KIZ: variants seen among roughly 807,000 people sequenced by gnomAD.
KIZ encodes kizuna centrosomal protein, also known as centrosomal protein kizuna.
A neutral mutation model predicts 79.6 loss-of-function variants in KIZ; 68 were observed. The ratio of observed to expected loss-of-function variants is 0.85; its 90% CI spans 0.70 to 1.05. KIZ has a LOEUF of 1.05. Ranked by LOEUF, KIZ falls within the 50% of genes least tolerant of loss-of-function variation. The pLI, the probability that KIZ is intolerant of heterozygous loss-of-function variation, is 0.00. For missense variants in KIZ, 797 were observed against 800.4 expected, an observed-to-expected ratio of 1.00 and a Z score of 0.05; for synonymous variants, 280 against 281.8, an observed-to-expected ratio of 0.99 and a Z score of 0.06.
chr20:21,214,128 C>T (rs6106345), intron 7 of KIZ: 2 of 154,664 alleles, frequency 1.3e-5, no homozygotes, highest in African/African-American at 4.8e-5. Context: ...TCTGACATGC[C>T]TAGAAAATAG....
chr20:21,126,284 T>G lies in KIZ; in HGVS notation c.89+80T>G, dbSNP rs377745565. 1.2e-4 allele frequency: 119 copies of G among 1,009,894 alleles called. No individual in the cohort carries two copies. In the East Asian group the frequency reaches 3.5e-3, roughly 29 times the overall value. 62.6% of individuals were successfully genotyped at this position (1,009,894 alleles called of 1,614,324 possible). A position where few individuals can be genotyped will look rare whatever the true frequency, so the allele number is the denominator to read the frequency against. On this transcript the variant is annotated intron_variant, in intron 1 of 12. Coordinates refer to ENST00000619189, the MANE Select transcript of KIZ (RefSeq NM_018474.6). ...TGCCCTGCCCCATTTTCCTTCCCGC[T>G]CCCCCGTCCGAGGTTCCCCGGGGCC...
intron 9 of KIZ, among the ~76,000 whole-genome samples, chr20:21,222,324 C>T (rs1252063595): frequency 1.3e-5 from 2 of 152,192 alleles, no homozygotes; most frequent in Non-Finnish European, 2.9e-5. Flanking sequence ...ACCCATGCCC[C>T]AGCCACACCC....
chr20:21,148,315 A>T (rs368479313), intron 4 of KIZ, among the ~76,000 whole-genome samples: 8 of 152,164 alleles, frequency 5.3e-5, no homozygotes, highest in Non-Finnish European at 1.2e-4. Flanking sequence ...AAAGTCATCA[A>T]GTGGTGTGTG....
chr20:21,141,924 A>G (rs1208597797), intron 3 of KIZ, among the ~76,000 whole-genome samples: 1 of 135,030 alleles, frequency 7.4e-6, no homozygotes, highest in South Asian at 2.4e-4. Flanking sequence ...TCCCCCCTCC[A>G]CCTTCTCCTG....
chr20:21,132,215 A>G, intron 2 of KIZ, 56 bp downstream of exon 2: 1 of 813,192 alleles, frequency 1.2e-6, no homozygotes, highest in Non-Finnish European at 2.0e-6. Flanking sequence ...TTAATCAAAA[A>G]TGTAACCCTA....
chr20:21,214,756 T>G, intron 8 of KIZ, 56 bp downstream of exon 8: 1 of 1,172,892 alleles, frequency 8.5e-7, no homozygotes, highest in Non-Finnish European at 1.3e-6. Context: ...GTCATCATCA[T>G]CTTTCTCAAG....
intron 4 of KIZ, among the ~76,000 whole-genome samples, chr20:21,152,843 A>G (rs1210045806): frequency 6.6e-6 from 1 of 152,188 alleles, no homozygotes; most frequent in Non-Finnish European, 1.5e-5. Context: ...ACTAGGTTTT[A>G]TTTATCATAT....
At chr20:21,208,370 A>G (rs1419397948) in intron 7 of KIZ, among the ~76,000 whole-genome samples, 1 of 152,232 alleles carries the variant, frequency 6.6e-6, no homozygotes, top group Non-Finnish European at 1.5e-5. Flanking sequence ...AGTGACAATC[A>G]TAAAAAGTAC....
intron 4 of KIZ, 101 bp from the exon 5 acceptor site, chr20:21,161,770 C>T (rs1052766684): frequency 1.2e-5 from 9 of 745,344 alleles, no homozygotes; most frequent in Middle Eastern, 2.5e-4. Context: ...TTTCAATAAT[C>T]ATGCTTTGTT....
rs376383954 is a variant in KIZ, at chr20:21,162,145, A to G, written c.680A>G (p.Lys227Arg). 5.0e-6 allele frequency: 8 copies of G among 1,610,800 alleles called. No individual in the cohort carries two copies. Among genetic ancestry groups the G allele is most frequent in the African/African-American group, 1.3e-5 (1 of 74,172 alleles). ...CLNKSDNIDG[K>R]ASLQIGEKMP... is the part of the protein sequence containing the mutation. ...AATAAGTCTGACAACATAGATGGAA[A>G]GGCATCTCTTCAGATTGGTGAGAAA... The change falls in exon 5 of 13, where the codon AAG becomes AGG. Residue 227 changes from lysine to arginine, a missense_variant. Transcript: ENST00000619189.
At position 21,161,812 on chromosome 20, in the gene KIZ, A is replaced by AC. The variant is rs566449115; in HGVS notation, c.406-59_406-58insC. ...CCTTTCATTTCTGGAAAAAAAAAAA[A>AC]ACCCCACCTAATTGTTTATACACAG... is the stretch of plus-strand genomic sequence containing the variant. On this transcript the variant is annotated intron_variant, in intron 4 of 12. Coordinates refer to ENST00000619189, the MANE Select transcript of KIZ (RefSeq NM_018474.6). The AC allele has an allele frequency of 8.0e-5, 98 of 1,219,150 alleles. 1 individual carries two copies. The highest frequency in any genetic ancestry group is 4.0e-4 in the Middle Eastern group (2 of 4,976). The allele number at this position is 1,219,150 out of a possible 1,614,324, so 75.5% of individuals were successfully genotyped here.
Position 21,130,538 on chromosome 20 carries a change from CTTCTA to C in KIZ, c.90-1553_90-1549del, listed in dbSNP as rs571231705. Reference sequence around the variant, plus strand: ...AAGCAATTATGCTATGTTTCCTTCACTTCTATTCTAAGTTCACTCTTACTAGTGAG... The same window carrying C: ...AAGCAATTATGCTATGTTTCCTTCACTTCTAAGTTCACTCTTACTAGTGAG... On this transcript the variant is annotated intron_variant, in intron 1 of 12. Transcript: ENST00000619189. Among the ~76,000 whole-genome samples the C allele has an allele frequency of 3.9e-5, 6 of 152,246 alleles. No homozygotes were observed. The South Asian group carries it at 6.2e-4, about 16-fold the overall frequency.
intron 11 of KIZ, among the ~76,000 whole-genome samples, chr20:21,241,487 C>T (rs140559338): frequency 1.3e-5 from 2 of 152,322 alleles, no homozygotes; most frequent in Middle Eastern, 3.4e-3. Context: ...CAATTAAGAA[C>T]GATTACACAA....
Position 21,231,926 on chromosome 20 carries a change from G to C in KIZ, c.1784-808G>C, listed in dbSNP as rs2036846748. 3.9e-5 allele frequency among the ~76,000 whole-genome samples: 6 copies of C among 152,196 alleles called. No homozygotes were observed. In the South Asian group the frequency reaches 1.2e-3, roughly 31 times the overall value. On this transcript the variant is annotated intron_variant, in intron 10 of 12. Coordinates refer to ENST00000619189, the MANE Select transcript of KIZ (RefSeq NM_018474.6). Reference sequence around the variant, plus strand: ...AAGACCTCCTCCTGGTAAGCATGTGGACACCCTCTTTGGGCTGAATGTGGA... The same window carrying C: ...AAGACCTCCTCCTGGTAAGCATGTGCACACCCTCTTTGGGCTGAATGTGGA...
At chr20:21,185,407 CTTTTTTTTTT>C (rs1269681079) in intron 6 of KIZ, among the ~76,000 whole-genome samples, 1 of 131,348 alleles carries the variant, frequency 7.6e-6, no homozygotes, top group East Asian at 2.1e-4. Flanking sequence ...ATTATTCTAC[CTTTTTTTTTT>C]TTTTTTTTTT....
chr20:21,149,395 G>A (rs561388377), intron 4 of KIZ, among the ~76,000 whole-genome samples: 15 of 152,090 alleles, frequency 9.9e-5, no homozygotes, highest in Middle Eastern at 3.4e-3. Context: ...CTGAGGACCC[G>A]CCCCCTAAAC....
intron 6 of KIZ, among the ~76,000 whole-genome samples, chr20:21,202,155 C>T (rs1273442062): frequency 6.6e-6 from 1 of 152,168 alleles, no homozygotes; most frequent in Admixed American, 6.5e-5. Context: ...AGAGTCTTGC[C>T]TTCATTTTGC....
chr20:21,190,472 T>A (rs2035063360), intron 6 of KIZ, among the ~76,000 whole-genome samples: 1 of 152,250 alleles, frequency 6.6e-6, no homozygotes, highest in Non-Finnish European at 1.5e-5. Context: ...GTTGAATTTG[T>A]GTACCTGTGG....
At chr20:21,126,073 C>CA (rs1555868165), upstream of KIZ, 55 of 1,461,666 alleles carry the variant, frequency 3.8e-5, no homozygotes, top group Non-Finnish European at 4.3e-5. Flanking sequence ...CCCGGCCGAA[C>CA]GGCCACCCAG....
Sources: gnomAD v4.1 joint callset for allele counts (sites outside exome capture counted in the v4.1 genomes callset) on GRCh38, gnomAD v4.1.1 for gene constraint, MANE v1.5 for transcripts, NCBI Gene and HGNC (gene_info 2026-07-23, HGNC 2026-07-21) for gene names.